The following FYN variants were observed in gnomAD, a reference collection of about 807,000 sequenced individuals.
FYN encodes tyrosine-protein kinase Fyn.
FYN carries 10 observed loss-of-function variants against 70.2 expected under a neutral mutation model. The ratio of observed to expected loss-of-function variants is 0.14; its 90% CI spans 0.09 to 0.24. The LOEUF is 0.24. Ranked by LOEUF, FYN falls within the 10% of genes least tolerant of loss-of-function variation. The pLI is 1.00. For synonymous variants in FYN, 236 were observed against 248.6 expected, an observed-to-expected ratio of 0.95 and a Z score of 0.48; for missense variants, 319 against 673.1, an observed-to-expected ratio of 0.47 and a Z score of 5.82.
At chr6:111,712,574 G>A (rs1362205801) in intron 5 of FYN, among the ~76,000 whole-genome samples, 2 of 152,214 alleles carry the variant, frequency 1.3e-5, no homozygotes, top group African/African-American at 4.8e-5. Flanking sequence ...CCAGCTCTGT[G>A]CTCTGGGGCA....
At chr6:111,713,574 T>G (rs9400494) in intron 5 of FYN, among the ~76,000 whole-genome samples, 2 of 151,888 alleles carry the variant, frequency 1.3e-5, no homozygotes, top group African/African-American at 4.8e-5. Context: ...ACCTAGATTT[T>G]TTTCTGAAGG....
At chr6:111,751,366 T>C (rs1802479384) in intron 3 of FYN, among the ~76,000 whole-genome samples, 1 of 152,172 alleles carries the variant, frequency 6.6e-6, no homozygotes, top group Non-Finnish European at 1.5e-5. Context: ...CTGCTGTCTC[T>C]AGGTAGAATG....
intron 13 of FYN, among the ~76,000 whole-genome samples, chr6:111,673,434 G>A (rs973178169): frequency 1.6e-4 from 24 of 152,214 alleles, no homozygotes; most frequent in African/African-American, 5.3e-4. Context: ...AACCCAGAAC[G>A]AGATTATCTT....
At chr6:111,715,619 C>T (rs1413677173) in intron 4 of FYN, among the ~76,000 whole-genome samples, 13 of 152,228 alleles carry the variant, frequency 8.5e-5, no homozygotes. Flanking sequence ...GCTGGTGAGG[C>T]CCATGTGACC....
intron 4 of FYN, among the ~76,000 whole-genome samples, chr6:111,718,032 G>C (rs1800750447): frequency 6.6e-6 from 1 of 152,234 alleles, no homozygotes; most frequent in African/African-American, 2.4e-5. Flanking sequence ...TGCCCGTAAG[G>C]TCATGCCTAT....
In FYN at chr6:111,831,078, G is replaced by A. The variant is rs1424762608; in HGVS notation, c.-82+15511C>T. Among the ~76,000 whole-genome samples, 6 of 152,192 alleles carry A rather than the reference G, an allele frequency of 3.9e-5. No individual in the cohort carries two copies. In the East Asian group the frequency reaches 7.7e-4, roughly 20 times the overall value. On this transcript the variant is annotated intron_variant, in intron 2 of 13. Transcript: ENST00000354650. The stretch of plus-strand genomic sequence containing the variant: ...GAAATATCATTCTGTATCAGTGTGC[G>A]TATACATGTACAGGTTTCTGTGGGG...
chr6:111,792,103 T>A (rs760369697), intron 2 of FYN, among the ~76,000 whole-genome samples: 3 of 151,932 alleles, frequency 2.0e-5, no homozygotes, highest in Non-Finnish European at 4.4e-5. Flanking sequence ...AGCCACAGAG[T>A]GGAGAACATA....
intron 8 of FYN, 115 bp from the exon 9 acceptor site, chr6:111,700,383 C>T: frequency 9.7e-7 from 1 of 1,025,810 alleles, no homozygotes; most frequent in Non-Finnish European, 1.4e-6. Context: ...AACAGTGCTA[C>T]TACACCAGCA....
chr6:111,835,296 T>C (rs1041125208), intron 2 of FYN, among the ~76,000 whole-genome samples: 10 of 152,216 alleles, frequency 6.6e-5, no homozygotes, highest in African/African-American at 2.2e-4. Flanking sequence ...ATCTGCATTG[T>C]AACATGAAAA....
At chr6:111,755,152 C>T (rs559387380) in intron 3 of FYN, among the ~76,000 whole-genome samples, 54 of 152,016 alleles carry the variant, frequency 3.6e-4, no homozygotes, top group African/African-American at 1.3e-3. Flanking sequence ...CCTTCAAGCA[C>T]AGGAAAATCA....
intron 2 of FYN, chr6:111,819,778 C>G (rs2114356511): frequency 6.6e-6 from 1 of 152,218 alleles, no homozygotes; most frequent in East Asian, 1.9e-4. Flanking sequence ...CAGCTCATTA[C>G]TGTTCATAAA....
chr6:111,807,777 GT>G (rs1726871519), intron 2 of FYN, among the ~76,000 whole-genome samples: 1 of 152,124 alleles, frequency 6.6e-6, no homozygotes, highest in Non-Finnish European at 1.5e-5. Context: ...GCACCCCCAG[GT>G]TTGGGGACCA....
intron 12 of FYN, among the ~76,000 whole-genome samples, chr6:111,692,101 T>TCCCC (rs753027655): frequency 7.3e-6 from 1 of 136,920 alleles, no homozygotes; most frequent in Non-Finnish European, 1.6e-5. Flanking sequence ...AAGCTTCATT[T>TCCCC]CCCCCCCCCC....
intron 1 of FYN, among the ~76,000 whole-genome samples, chr6:111,856,795 A>G (rs1172627304): frequency 2.0e-5 from 3 of 152,098 alleles, no homozygotes; most frequent in Non-Finnish European, 4.4e-5. Flanking sequence ...AAAATTTGCT[A>G]AGAGTGTCAC....
At chr6:111,712,511 T>C (rs905907683) in intron 5 of FYN, among the ~76,000 whole-genome samples, 2 of 149,962 alleles carry the variant, frequency 1.3e-5, no homozygotes, top group African/African-American at 5.1e-5. Flanking sequence ...AGATCAAACC[T>C]GACACTGTTC....
intron 2 of FYN, among the ~76,000 whole-genome samples, chr6:111,832,460 A>G (rs1162586229): frequency 2.0e-5 from 3 of 152,172 alleles, no homozygotes; most frequent in African/African-American, 7.2e-5. Context: ...GGATTCCTCT[A>G]CATAAACTGT....
Position 111,868,468 on chromosome 6 carries a change from T to C in FYN, c.-123+4500A>G, listed in dbSNP as rs113755156. On this transcript the variant is annotated intron_variant, in intron 1 of 13. Coordinates refer to ENST00000354650, the MANE Select transcript of FYN (RefSeq NM_002037.5). The stretch of plus-strand genomic sequence containing the variant: ...ATCGACATGCCTTGCTTTACCATTG[T>C]TTAATTTAATTTTGTATTTCCCAGG... Among the ~76,000 whole-genome samples the C allele has an allele frequency of 5.7e-3, 866 of 152,276 alleles. 2 individuals are homozygous for C. The highest frequency in any genetic ancestry group is 8.9e-3 in the Non-Finnish European group (608 of 68,022).
chr6:111,720,988 T>C (rs1195671476), intron 3 of FYN, among the ~76,000 whole-genome samples: 1 of 152,150 alleles, frequency 6.6e-6, no homozygotes, highest in African/African-American at 2.4e-5. Context: ...TCTTCCTGTC[T>C]CGGCTCTCCT....
rs758233613 is a variant in FYN at position 111,700,288 on chromosome 6, G to A, written c.698-20C>T. Reference sequence around the variant, plus strand: ...CTCTCTCTGATGGAGCAGGGCAGGGGCAGGAGAGGGAGAGAAGAGCAGAAC... The same window carrying A: ...CTCTCTCTGATGGAGCAGGGCAGGGACAGGAGAGGGAGAGAAGAGCAGAAC... On this transcript the variant is annotated intron_variant, in intron 8 of 13. Transcript: ENST00000354650. 1.9e-6 allele frequency: 3 copies of A among 1,613,082 alleles called. No individual in the cohort carries two copies. The highest frequency in any genetic ancestry group is 2.5e-6 in the Non-Finnish European group (3 of 1,179,536).
Sources: allele counts gnomAD v4.1 joint callset (sites outside exome capture counted in the v4.1 genomes callset), GRCh38; gene constraint gnomAD v4.1.1; transcripts MANE v1.5; gene names NCBI Gene and HGNC (gene_info 2026-07-23, HGNC 2026-07-21).